HMOX1: variants seen among roughly 807,000 people sequenced by gnomAD.
HMOX1 encodes the protein heat shock protein, 32-kD.
A neutral mutation model predicts 27.8 loss-of-function variants in HMOX1; 22 were observed. The observed-to-expected ratio is 0.79, with a 90% CI of 0.57 to 1.13. The LOEUF is 1.13. Among genes scored for constraint, HMOX1 ranks in the 50% most tolerant of loss-of-function variants. The probability of loss-of-function intolerance (pLI) is 0.00; values close to 1 mark genes in which losing one functional copy is unlikely to be tolerated. For synonymous variants in HMOX1, 153 were observed against 151.6 expected, an observed-to-expected ratio of 1.01 and a Z score of -0.07; for missense variants, 379 against 377.7, an observed-to-expected ratio of 1.00 and a Z score of -0.03.
Position 35,391,585 on chromosome 22 carries a change from C to CATTTTTTTTT in HMOX1, c.736+1622_736+1623insATTTTTTTTT, listed in dbSNP as rs372077518. On this transcript the variant is annotated intron_variant, in intron 4 of 4. Transcript: ENST00000216117. ...TACAGGTGTGAGCCACCGCGCCCGG[C>CATTTTTTTTT]CTTTTTTTTTTTTTTTTTTTTTTTT... Among the ~76,000 whole-genome samples, 9 of 112,462 alleles carry CATTTTTTTTT rather than the reference C, an allele frequency of 8.0e-5. 1 individual carries two copies. The highest frequency in any genetic ancestry group is 6.8e-5 in the Non-Finnish European group (4 of 59,238). The allele number at this position is 112,462 out of a possible 152,430, so 73.8% of individuals were successfully genotyped here.
chr22:35,383,468 GCACCGGTTC>G (rs1403338704), intron 2 of HMOX1, among the ~76,000 whole-genome samples: 1 of 152,182 alleles, frequency 6.6e-6, no homozygotes, highest in African/African-American at 2.4e-5. Context: ...CGTTGACTGA[GCACCGGTTC>G]CATGTTGGGC....
rs780433638 is a variant in HMOX1 at position 35,387,081 on chromosome 22, C to G, written c.541C>G (p.Leu181Val). Residue 181 changes from leucine to valine, a missense_variant, in exon 3 of 5, where the codon CTC (leucine) becomes GTC (valine). Leu to Val is a conservative substitution (Grantham distance 32, BLOSUM62 1). Transcript: ENST00000216117. ...NIASATKFKQLYRSRMNSLEM... is the reference protein window; with the variant it reads ...NIASATKFKQVYRSRMNSLEM... The stretch of plus-strand genomic sequence containing the variant: ...TGCCAGTGCCACCAAGTTCAAGCAG[C>G]TCTACCGCTCCCGCATGAACTCCCT... 5 of 1,613,612 alleles carry G rather than the reference C, an allele frequency of 3.1e-6. No individual in the cohort carries two copies. The highest frequency in any genetic ancestry group is 4.2e-6 in the Non-Finnish European group (5 of 1,180,026).
intron 3 of HMOX1, among the ~76,000 whole-genome samples, chr22:35,388,245 G>C (rs375112070): frequency 6.6e-6 from 1 of 152,164 alleles, no homozygotes; most frequent in East Asian, 1.9e-4. Flanking sequence ...GAGCCCAGGA[G>C]TTTGAGACCA....
At chr22:35,382,761 G>A (rs994832515) in intron 1 of HMOX1, among the ~76,000 whole-genome samples, 1 of 151,280 alleles carries the variant, frequency 6.6e-6, no homozygotes, top group East Asian at 2.0e-4. Context: ...CTCTGCCTCC[G>A]GGATTCAAGC....
At chr22:35,389,395 C>CTTCCTTT (rs1555901605) in intron 3 of HMOX1, among the ~76,000 whole-genome samples, 24 of 51,804 alleles carry the variant, frequency 4.6e-4, no homozygotes, top group South Asian at 7.9e-4. Flanking sequence ...TTCCTTCCTT[C>CTTCCTTT]CTTTCTTTCT....
chr22:35,385,236 C>A (rs185175666), intron 2 of HMOX1, among the ~76,000 whole-genome samples: 3 of 152,130 alleles, frequency 2.0e-5, no homozygotes, highest in Non-Finnish European at 4.4e-5. Context: ...AGGTCAAAAG[C>A]CAGAAGCACA....
chr22:35,389,341 C>CCTTCCT (rs1555901584), intron 3 of HMOX1, among the ~76,000 whole-genome samples: 96 of 62,546 alleles, frequency 1.5e-3, no homozygotes, highest in South Asian at 1.8e-3. Context: ...TTTCTTTCTT[C>CCTTCCT]TCCTTCCTTC....
rs1931613709 is a variant in HMOX1, at chr22:35,389,301, T to TC, written c.637-563_637-562insC. On this transcript the variant is annotated intron_variant, in intron 3 of 4. Transcript: ENST00000216117. ...TCTCTCTCTCTCTCTTCTTTCTTCT[T>TC]TCTTTCTTTCTTTCTTTCTTCTTTC... Among the ~76,000 whole-genome samples, 3 of 123,852 alleles carry TC rather than the reference T, an allele frequency of 2.4e-5. 1 individual carries two copies. The East Asian group carries it at 6.3e-4, about 26-fold the overall frequency. 81.3% of individuals were successfully genotyped at this position (123,852 alleles called of 152,430 possible).
Position 35,382,421 on chromosome 22 carries a change from G to A in HMOX1, c.24-685G>A, listed in dbSNP as rs1019209206. 5.3e-5 allele frequency among the ~76,000 whole-genome samples: 8 copies of A among 151,318 alleles called. No individual in the cohort carries two copies. In the East Asian group the frequency reaches 1.4e-3, roughly 26 times the overall value. On this transcript the variant is annotated intron_variant, in intron 1 of 4. Coordinates refer to ENST00000216117, the MANE Select transcript of HMOX1 (RefSeq NM_002133.3). ...GGCTGGAGTGCAGTGGCGCGATCTCGGCTCACTGCAACCTCTGCCTCCTGG... is the reference window on the plus strand; with the variant it reads ...GGCTGGAGTGCAGTGGCGCGATCTCAGCTCACTGCAACCTCTGCCTCCTGG...
chr22:35,388,253 C>A (rs542893175), intron 3 of HMOX1, among the ~76,000 whole-genome samples: 11 of 152,018 alleles, frequency 7.2e-5, no homozygotes, highest in Non-Finnish European at 1.5e-4. Flanking sequence ...GAGTTTGAGA[C>A]CAGCCCTGGC....
chr22:35,390,238 T>C (rs1931680310), intron 4 of HMOX1: 2 of 460,900 alleles, frequency 4.3e-6, no homozygotes, highest in South Asian at 2.0e-5. Flanking sequence ...ATGTTTGTTG[T>C]TGTTGTTGTT....
Position 35,394,033 on chromosome 22 carries a change from G to C in HMOX1, c.*435G>C, listed in dbSNP as rs1404155818. 2 of 304,686 alleles carry C rather than the reference G, an allele frequency of 6.6e-6. No homozygotes were observed. Among genetic ancestry groups the C allele is most frequent in the East Asian group, 1.6e-4 (2 of 12,286 alleles). The allele number at this position is 304,686 out of a possible 1,614,324, so 18.9% of individuals were successfully genotyped here. ...GTGTTTTTGTCTTATTTTTGTTGGAGCCACTCTGTTCCTGGCTCAGCCTCA... is the reference window on the plus strand; with the variant it reads ...GTGTTTTTGTCTTATTTTTGTTGGACCCACTCTGTTCCTGGCTCAGCCTCA... On this transcript the variant is annotated 3_prime_UTR_variant, in exon 5 of 5. Transcript: ENST00000216117.
At chr22:35,388,825 G>T (rs772335102) in intron 3 of HMOX1, among the ~76,000 whole-genome samples, 4 of 150,656 alleles carry the variant, frequency 2.7e-5, no homozygotes, top group Non-Finnish European at 5.9e-5. Flanking sequence ...AAAAAAAACG[G>T]CTCTTAGTGC....
chr22:35,393,383 G>C lies in HMOX1; in HGVS notation c.737-85G>C, dbSNP rs1931771934. 3.2e-6 allele frequency: 5 copies of C among 1,567,654 alleles called. No individual in the cohort carries two copies. The Admixed American group carries it at 8.3e-5, about 26-fold the overall frequency. Reference sequence around the variant, plus strand: ...GCAGTGACTGTACCACAGACCCTGAGGCCGCTCTGCTTTGCTTTCCTATGA... The same window carrying C: ...GCAGTGACTGTACCACAGACCCTGACGCCGCTCTGCTTTGCTTTCCTATGA... On this transcript the variant is annotated intron_variant, in intron 4 of 4. Transcript: ENST00000216117.
rs552771316 is a variant in HMOX1 at position 35,391,290 on chromosome 22, TG to T, written c.736+1329del. Reference sequence around the variant, plus strand: ...TTTTATAACACTACTACTATTTTTTTGGTTTTTTTTTTTTCGTTTGAGACAG... The same window carrying T: ...TTTTATAACACTACTACTATTTTTTTGTTTTTTTTTTTTCGTTTGAGACAG... On this transcript the variant is annotated intron_variant, in intron 4 of 4. Coordinates refer to ENST00000216117, the MANE Select transcript of HMOX1 (RefSeq NM_002133.3). Among the ~76,000 whole-genome samples the T allele has an allele frequency of 3.9e-4, 31 of 78,708 alleles. No individual in the cohort carries two copies. In the South Asian group the frequency reaches 0.017, roughly 42 times the overall value. The allele number at this position is 78,708 out of a possible 152,430, so 51.6% of individuals were successfully genotyped here.
intron 3 of HMOX1, among the ~76,000 whole-genome samples, chr22:35,389,191 TTCTTTCTTTCTTTCTTTCTTTCTC>T (rs1014995827): frequency 5.7e-5 from 7 of 123,282 alleles, no homozygotes; most frequent in East Asian, 4.8e-4. Flanking sequence ...GATATGAATT[TTCTTTCTTTCTTTCTTTCTTTCTC>T]TCTTTCTTTC....
chr22:35,389,461 C>T (rs1433269184), intron 3 of HMOX1, among the ~76,000 whole-genome samples: 1 of 134,410 alleles, frequency 7.4e-6, no homozygotes, highest in African/African-American at 3.0e-5. Flanking sequence ...TTCTTTCTTT[C>T]TTGCAGAGTC....
chr22:35,381,870 C>T (rs1191930099), intron 1 of HMOX1, among the ~76,000 whole-genome samples: 1 of 151,918 alleles, frequency 6.6e-6, no homozygotes, highest in African/African-American at 2.4e-5. Flanking sequence ...AGACTTTGAC[C>T]AGCTGTGTTG....
chr22:35,382,007 C>A (rs17883018), intron 1 of HMOX1, among the ~76,000 whole-genome samples: 5,677 of 152,274 alleles, frequency 0.037, 118 homozygotes, highest in Middle Eastern at 0.082. Context: ...CTTTCTCAGG[C>A]TTTTTAACCC....
Sources: gnomAD v4.1 joint callset for allele counts (sites outside exome capture counted in the v4.1 genomes callset) on GRCh38, gnomAD v4.1.1 for gene constraint, MANE v1.5 for transcripts, NCBI Gene and HGNC (gene_info 2026-07-23, HGNC 2026-07-21) for gene names.